TMTC2: variants seen among roughly 807,000 people sequenced by gnomAD.
The protein encoded by TMTC2 is transmembrane O-mannosyltransferase targeting cadherins 2, also known as protein O-mannosyl-transferase TMTC2.
In TMTC2, 43 loss-of-function variants were observed where a neutral mutation model predicts 82.4. The ratio of observed to expected loss-of-function variants is 0.52; its 90% CI spans 0.41 to 0.67. The LOEUF is 0.67. TMTC2 is among the 30% of genes least tolerant of loss of function. The pLI is 0.00. For missense variants in TMTC2, 919 were observed against 1,012.4 expected (o/e 0.91, Z 1.25); for synonymous variants, 408 against 381.9 (o/e 1.07, Z -0.80).
intron 11 of TMTC2, among the ~76,000 whole-genome samples, chr12:83,062,553 G>A (rs1455929691): frequency 1.3e-5 from 2 of 151,778 alleles, no homozygotes; most frequent in East Asian, 1.9e-4. Context: ...ACCATCTATT[G>A]GGAAATGTAA....
chr12:82,951,772 C>T (rs1877361427), intron 4 of TMTC2, among the ~76,000 whole-genome samples: 1 of 152,126 alleles, frequency 6.6e-6, no homozygotes, highest in African/African-American at 2.4e-5. Context: ...TTTCTAATAA[C>T]TCGAAAGTAC....
chr12:82,903,547 G>A (rs1874137014), intron 3 of TMTC2, among the ~76,000 whole-genome samples: 1 of 152,144 alleles, frequency 6.6e-6, no homozygotes, highest in Non-Finnish European at 1.5e-5. Flanking sequence ...GAGTAGCTGG[G>A]ACTACAGGCG....
At chr12:83,099,204 G>A (rs573174341) in intron 11 of TMTC2, among the ~76,000 whole-genome samples, 1 of 152,104 alleles carries the variant, frequency 6.6e-6, no homozygotes, top group South Asian at 2.1e-4. Flanking sequence ...TATTTCCTAG[G>A]GAGCTCCTAA....
chr12:82,895,798 C>G lies in TMTC2; in HGVS notation c.655-20C>G. The G allele has an allele frequency of 6.3e-7, 1 of 1,574,938 alleles. No homozygotes were observed. ...TACTGATAATAATCTTAATTTTTCC[C>G]TTCTCTCTTTTGGTTTCAGAGGAAG... On this transcript the variant is annotated intron_variant, in intron 2 of 11. Transcript: ENST00000321196.
intron 4 of TMTC2, among the ~76,000 whole-genome samples, chr12:82,954,791 A>G (rs998215168): frequency 6.6e-6 from 1 of 152,214 alleles, no homozygotes; most frequent in Non-Finnish European, 1.5e-5. Flanking sequence ...TGATAGTTCT[A>G]TCTAGAGGGC....
intron 2 of TMTC2, among the ~76,000 whole-genome samples, chr12:82,870,846 T>C (rs1226913584): frequency 6.6e-6 from 1 of 152,170 alleles, no homozygotes; most frequent in African/African-American, 2.4e-5. Flanking sequence ...GGGATGCCAA[T>C]TGAAAAATGG....
At chr12:82,732,052 A>G (rs1056411775) in intron 1 of TMTC2, among the ~76,000 whole-genome samples, 6 of 152,172 alleles carry the variant, frequency 3.9e-5, no homozygotes, top group African/African-American at 1.4e-4. Context: ...TATTTGTTCT[A>G]GATTTTGGCT....
chr12:82,691,759 G>A (rs1229252269), intron 1 of TMTC2, among the ~76,000 whole-genome samples: 1 of 152,018 alleles, frequency 6.6e-6, no homozygotes, highest in Non-Finnish European at 1.5e-5. Flanking sequence ...ACTACTGAAG[G>A]CAGGCCTGGT....
chr12:82,963,276 C>A, intron 4 of TMTC2, among the ~76,000 whole-genome samples: 1 of 151,846 alleles, frequency 6.6e-6, no homozygotes, highest in East Asian at 1.9e-4. Flanking sequence ...GGTACACGAA[C>A]ATTTTTGTGT....
intron 3 of TMTC2, among the ~76,000 whole-genome samples, chr12:82,906,030 A>AT (rs1874286508): frequency 6.6e-6 from 1 of 151,924 alleles, no homozygotes; most frequent in Non-Finnish European, 1.5e-5. Context: ...TCCTTCATAG[A>AT]TTCCTGCAAA....
At chr12:83,131,288 G>A (rs1261500888) in intron 11 of TMTC2, among the ~76,000 whole-genome samples, 1 of 152,176 alleles carries the variant, frequency 6.6e-6, no homozygotes, top group East Asian at 1.9e-4. Flanking sequence ...TAAAGAGCAA[G>A]CAAAATATAT....
chr12:82,718,482 T>G (rs574847958), intron 1 of TMTC2, among the ~76,000 whole-genome samples: 1 of 152,300 alleles, frequency 6.6e-6, no homozygotes, highest in South Asian at 2.1e-4. Context: ...CATAAAGTAT[T>G]CATGGCCACA....
chr12:83,077,375 C>A (rs1268536959), intron 11 of TMTC2, among the ~76,000 whole-genome samples: 2 of 152,130 alleles, frequency 1.3e-5, no homozygotes, highest in Non-Finnish European at 2.9e-5. Context: ...GTGTCTTACA[C>A]TTAGCTCATA....
At chr12:82,829,896 C>T (rs998385130) in intron 1 of TMTC2, among the ~76,000 whole-genome samples, 21 of 152,080 alleles carry the variant, frequency 1.4e-4, no homozygotes, top group African/African-American at 4.8e-4. Context: ...GAGGTAAGAG[C>T]TCCTTAGCCT....
intron 11 of TMTC2, among the ~76,000 whole-genome samples, chr12:83,105,702 A>G (rs1285490384): frequency 4.6e-5 from 7 of 152,280 alleles, no homozygotes; most frequent in South Asian, 4.2e-4. Flanking sequence ...ACATTTCAAC[A>G]TGAGATTGGG....
intron 9 of TMTC2, among the ~76,000 whole-genome samples, chr12:83,037,032 T>G (rs757640621): frequency 1.3e-5 from 2 of 152,204 alleles, no homozygotes; most frequent in Non-Finnish European, 2.9e-5. Flanking sequence ...TCCACCCTCA[T>G]GACCCAGACA....
chr12:82,820,102 A>C (rs1868999674), intron 1 of TMTC2, among the ~76,000 whole-genome samples: 1 of 152,100 alleles, frequency 6.6e-6, no homozygotes, highest in African/African-American at 2.4e-5. Flanking sequence ...CGGGTGAGAG[A>C]TGTAGGCTGG....
chr12:82,875,447 G>C (rs1872438368), intron 2 of TMTC2, among the ~76,000 whole-genome samples: 2 of 151,978 alleles, frequency 1.3e-5, no homozygotes, highest in Non-Finnish European at 2.9e-5. Context: ...CTGAGCCTGA[G>C]CGTGCAAGAC....
intron 2 of TMTC2, among the ~76,000 whole-genome samples, chr12:82,870,997 A>G (rs1326460750): frequency 6.6e-6 from 1 of 152,182 alleles, no homozygotes; most frequent in Non-Finnish European, 1.5e-5. Context: ...TCTGACTTCC[A>G]TATTGTTCAA....
Sources: gnomAD v4.1 joint callset for allele counts (sites outside exome capture counted in the v4.1 genomes callset) on GRCh38, gnomAD v4.1.1 for gene constraint, MANE v1.5 for transcripts, NCBI Gene and HGNC (gene_info 2026-07-23, HGNC 2026-07-21) for gene names.